The following ILRUN variants were observed in gnomAD, a reference collection of about 807,000 sequenced individuals.
ILRUN encodes the protein inflammation and lipid regulator with UBA-like and NBR1-like domains.
Under a neutral mutation model 33.8 loss-of-function variants are expected in ILRUN, and 3 were observed. The observed-to-expected ratio is 0.09, with a 90% CI of 0.04 to 0.23. The LOEUF is 0.23. Among genes scored for constraint, ILRUN ranks in the 10% least tolerant of loss-of-function variants. ILRUN has a pLI of 1.00. For missense variants in ILRUN, 210 were observed against 375.1 expected (o/e 0.56, Z 3.64); for synonymous variants, 124 against 138.9 (o/e 0.89, Z 0.75).
intron 1 of ILRUN, among the ~76,000 whole-genome samples, chr6:34,678,102 G>T (rs568304674): frequency 4.6e-5 from 7 of 152,234 alleles, no homozygotes; most frequent in African/African-American, 1.7e-4. Context: ...AAGTGCAGTG[G>T]TGCAATCTCA....
intron 3 of ILRUN, among the ~76,000 whole-genome samples, chr6:34,642,926 G>A (rs1259927153): frequency 6.7e-6 from 1 of 149,228 alleles, no homozygotes; most frequent in Non-Finnish European, 1.5e-5. Context: ...CAAGGACTTT[G>A]AGGCTGCAGT....
chr6:34,666,093 A>G (rs1359440862), intron 1 of ILRUN, among the ~76,000 whole-genome samples: 1 of 152,238 alleles, frequency 6.6e-6, no homozygotes, highest in Non-Finnish European at 1.5e-5. Context: ...AACAAACCTT[A>G]GCCAAATTCT....
intron 3 of ILRUN, among the ~76,000 whole-genome samples, chr6:34,615,677 T>C (rs1761873615): frequency 6.6e-6 from 1 of 152,060 alleles, no homozygotes; most frequent in South Asian, 2.1e-4. Context: ...AAAGAGAGTG[T>C]TTTGATATCA....
chr6:34,669,064 C>A (rs1009322128), intron 1 of ILRUN, among the ~76,000 whole-genome samples: 7 of 151,904 alleles, frequency 4.6e-5, no homozygotes, highest in Non-Finnish European at 1.0e-4. Context: ...AGGCTGGTCT[C>A]AAACTCCTGA....
At position 34,646,068 on chromosome 6, in the gene ILRUN, T is replaced by C. The variant is rs931377673; in HGVS notation, c.511+533A>G. On this transcript the variant is annotated intron_variant, in intron 3 of 4. Coordinates refer to ENST00000374023, the MANE Select transcript of ILRUN (RefSeq NM_024294.4). This position sits in a 1 kb window ranked among gnomAD's most constrained non-coding sequence, Gnocchi z 4.9. ...ATTTGGAAACAGGGTAGTCCCTGAT[T>C]AACTTTCATTGGAGTGGGGAGTGGA... 6.6e-6 allele frequency among the ~76,000 whole-genome samples: 1 copy of C among 152,230 alleles called. No individual in the cohort carries two copies. Among genetic ancestry groups the C allele is most frequent in the Admixed American group, 6.5e-5 (1 of 15,280 alleles).
chr6:34,588,534 C>T lies in ILRUN; in HGVS notation c.*2031G>A, dbSNP rs774684881. 1.1e-5 allele frequency: 3 copies of T among 278,724 alleles called. No homozygotes were observed. The highest frequency in any genetic ancestry group is 9.5e-4 in the Middle Eastern group (1 of 1,054). The allele number at this position is 278,724 out of a possible 1,614,324, so 17.3% of individuals were successfully genotyped here. A position where few individuals can be genotyped will look rare whatever the true frequency, so the allele number is the denominator to read the frequency against. ...CAGTGTCTCAGGAGACTGGTACCAG[C>T]AGCAGCAGTCTGGGCCTAATGAGGC... is the stretch of plus-strand genomic sequence containing the variant. On this transcript the variant is annotated 3_prime_UTR_variant, in exon 5 of 5. Coordinates refer to ENST00000374023, the MANE Select transcript of ILRUN (RefSeq NM_024294.4).
intron 4 of ILRUN, chr6:34,595,692 C>G: frequency 1.1e-6 from 1 of 901,936 alleles, no homozygotes; most frequent in Non-Finnish European, 1.3e-6. Context: ...AGATAAATTA[C>G]CACAACACAG....
intron 3 of ILRUN, among the ~76,000 whole-genome samples, chr6:34,643,022 G>A (rs1344950222): frequency 4.0e-5 from 6 of 151,032 alleles, no homozygotes; most frequent in South Asian, 2.1e-4. Flanking sequence ...GAGGCCAGGC[G>A]CAGTGGCTCA....
chr6:34,611,213 T>C (rs2127326795), intron 3 of ILRUN, among the ~76,000 whole-genome samples: 1 of 151,868 alleles, frequency 6.6e-6, no homozygotes, highest in Non-Finnish European at 1.5e-5. Context: ...TCTCCAAGTA[T>C]TGGGATTACA....
intron 2 of ILRUN, among the ~76,000 whole-genome samples, chr6:34,647,837 A>G (rs1022846090): frequency 6.6e-6 from 1 of 152,148 alleles, no homozygotes; most frequent in Non-Finnish European, 1.5e-5. Flanking sequence ...TGCTGGGATT[A>G]CAGGTGTGAG....
Position 34,616,560 on chromosome 6 carries a change from A to G in ILRUN, c.512-9656T>C, listed in dbSNP as rs1467926607. 14 of 1,444,200 alleles carry G rather than the reference A, an allele frequency of 9.7e-6. No individual in the cohort carries two copies. The South Asian group carries it at 1.4e-4, about 14-fold the overall frequency. The allele number at this position is 1,444,200 out of a possible 1,614,324, so 89.5% of individuals were successfully genotyped here. A position where few individuals can be genotyped will look rare whatever the true frequency, so the allele number is the denominator to read the frequency against. ...ACCATGGAGGGTGTCGAAGAGAAGA[A>G]GGTTCCTGCTGTGCCAGAAACCCTT... On this transcript the variant is annotated intron_variant, in intron 3 of 4. Coordinates refer to ENST00000374023, the MANE Select transcript of ILRUN (RefSeq NM_024294.4).
chr6:34,659,333 T>A (rs534096155), intron 1 of ILRUN, among the ~76,000 whole-genome samples: 92 of 152,340 alleles, frequency 6.0e-4, no homozygotes, highest in Middle Eastern at 3.4e-3. Context: ...AACCTTCATT[T>A]TATAGATGAG....
intron 3 of ILRUN, among the ~76,000 whole-genome samples, chr6:34,624,360 C>A (rs947680205): frequency 1.5e-4 from 22 of 151,556 alleles, no homozygotes; most frequent in African/African-American, 5.3e-4. Context: ...TTTCACTCTT[C>A]TTGCCCAGGC....
chr6:34,611,419 C>A (rs1284449305), intron 3 of ILRUN, among the ~76,000 whole-genome samples: 2 of 152,060 alleles, frequency 1.3e-5, no homozygotes, highest in Admixed American at 1.3e-4. Flanking sequence ...CAGTTCTGAC[C>A]CTCCTAAGTT....
intron 1 of ILRUN, among the ~76,000 whole-genome samples, chr6:34,674,151 G>C (rs538200536): frequency 3.3e-5 from 5 of 151,868 alleles, no homozygotes; most frequent in Admixed American, 2.0e-4. Context: ...CTCAGCCTCC[G>C]GAGTAGCTGG....
In ILRUN at chr6:34,598,568, T is replaced by C. The variant is rs568736335; in HGVS notation, c.862-7968A>G. Among the ~76,000 whole-genome samples the C allele has an allele frequency of 7.9e-5, 12 of 152,306 alleles. No individual in the cohort carries two copies. In the South Asian group the frequency reaches 2.5e-3, roughly 32 times the overall value. On this transcript the variant is annotated intron_variant, in intron 4 of 4. Coordinates refer to ENST00000374023, the MANE Select transcript of ILRUN (RefSeq NM_024294.4). ...TAACCAAAATAAAACATGCTGGCAATCTTGGGAACATTAGCTCTGCTTCAG... is the reference window on the plus strand; with the variant it reads ...TAACCAAAATAAAACATGCTGGCAACCTTGGGAACATTAGCTCTGCTTCAG...
intron 1 of ILRUN, 96 bp from the exon 2 acceptor site, chr6:34,654,875 C>T: frequency 8.1e-7 from 1 of 1,235,850 alleles, no homozygotes; most frequent in Non-Finnish European, 1.1e-6. Context: ...TAGGGTTTGT[C>T]ACAGAACCTG....
rs985244979 is a variant in ILRUN, at chr6:34,588,127, A to C, written c.*2438T>G. ...ATACCCTCCCTGGGCTGGGGAAGCCATGGACCCCTCTGCCTGCACTCCATG... is the reference window on the plus strand; with the variant it reads ...ATACCCTCCCTGGGCTGGGGAAGCCCTGGACCCCTCTGCCTGCACTCCATG... On this transcript the variant is annotated 3_prime_UTR_variant, in exon 5 of 5. Coordinates refer to ENST00000374023, the MANE Select transcript of ILRUN (RefSeq NM_024294.4). 7.5e-6 allele frequency: 3 copies of C among 398,830 alleles called. No individual in the cohort carries two copies. The highest frequency in any genetic ancestry group is 4.4e-5 in the Admixed American group (1 of 22,744). The allele number at this position is 398,830 out of a possible 1,614,324, so 24.7% of individuals were successfully genotyped here. A position where few individuals can be genotyped will look rare whatever the true frequency, so the allele number is the denominator to read the frequency against.
chr6:34,689,846 C>T (rs1349133934), intron 1 of ILRUN, among the ~76,000 whole-genome samples: 1 of 151,672 alleles, frequency 6.6e-6, no homozygotes, highest in African/African-American at 2.4e-5. Flanking sequence ...TCCCAAGTTA[C>T]TTTTCTAGAA....
Sources: gnomAD v4.1 joint callset for allele counts (sites outside exome capture counted in the v4.1 genomes callset) on GRCh38, gnomAD v4.1.1 for gene constraint, Gnocchi (gnomAD v3.1) non-coding constraint, MANE v1.5 for transcripts, NCBI Gene and HGNC (gene_info 2026-07-23, HGNC 2026-07-21) for gene names.